The following NOS1AP variants were observed in gnomAD, a reference collection of about 807,000 sequenced individuals.
NOS1AP encodes nitric oxide synthase 1 adaptor protein, also known as carboxyl-terminal PDZ ligand of neuronal nitric oxide synthase protein.
NOS1AP carries 21 observed loss-of-function variants against 56.2 expected under a neutral mutation model. That is an observed-to-expected ratio of 0.37 (90% CI 0.26 to 0.54). The LOEUF (loss-of-function observed/expected upper bound fraction) is 0.54, where lower values mean the gene tolerates loss of function less well. NOS1AP is among the 20% of genes least tolerant of loss of function. The probability of loss-of-function intolerance (pLI) is 0.84; values close to 1 mark genes in which losing one functional copy is unlikely to be tolerated. For missense variants in NOS1AP, 522 were observed against 657.8 expected (o/e 0.79, Z 2.26); for synonymous variants, 270 against 274.6 (o/e 0.98, Z 0.17).
chr1:162,305,095 A>G (rs1272228261), intron 4 of NOS1AP, among the ~76,000 whole-genome samples: 1 of 152,186 alleles, frequency 6.6e-6, no homozygotes, highest in East Asian at 1.9e-4. Flanking sequence ...TTATTCACAT[A>G]GAATAACAGA....
chr1:162,228,319 G>A (rs949050305), intron 2 of NOS1AP, among the ~76,000 whole-genome samples: 1 of 152,202 alleles, frequency 6.6e-6, no homozygotes, highest in Non-Finnish European at 1.5e-5. Context: ...TACTGTGAGT[G>A]TAAATAGAAA....
intron 2 of NOS1AP, among the ~76,000 whole-genome samples, chr1:162,277,639 G>A (rs1210123348): frequency 6.6e-6 from 1 of 152,162 alleles, no homozygotes; most frequent in Non-Finnish European, 1.5e-5. Flanking sequence ...GGAGAGCATA[G>A]GAAAAGCAGT....
In NOS1AP at chr1:162,307,909, A is replaced by G. The variant is rs186125492; in HGVS notation, c.344+7203A>G. On this transcript the variant is annotated intron_variant, in intron 4 of 9. Transcript: ENST00000361897. ...TGAGCAAGTCAAAGTTAAATTATTC[A>G]GGGCTAACTAGAGAAGGGAAGAAGG... Among the ~76,000 whole-genome samples, 415 of 152,256 alleles carry G rather than the reference A, an allele frequency of 2.7e-3. 2 individuals carry two copies. Among genetic ancestry groups the G allele is most frequent in the Non-Finnish European group, 4.6e-3 (316 of 68,014 alleles).
intron 1 of NOS1AP, among the ~76,000 whole-genome samples, chr1:162,081,011 CAGGT>C (rs1479056947): frequency 6.6e-6 from 1 of 152,146 alleles, no homozygotes; most frequent in African/African-American, 2.4e-5. Context: ...GAGTCAAACA[CAGGT>C]AGTGTGGCTC....
intron 1 of NOS1AP, among the ~76,000 whole-genome samples, chr1:162,119,169 C>G (rs752992711): frequency 1.3e-5 from 2 of 152,022 alleles, no homozygotes; most frequent in South Asian, 4.1e-4. Flanking sequence ...TCATAATAAC[C>G]GGAAGAGAGG....
chr1:162,240,525 C>T (rs1557845056), intron 2 of NOS1AP, among the ~76,000 whole-genome samples: 1 of 152,326 alleles, frequency 6.6e-6, no homozygotes, highest in South Asian at 2.1e-4. Context: ...AGGGCTCTTA[C>T]AGCACAGCAT....
intron 2 of NOS1AP, among the ~76,000 whole-genome samples, chr1:162,191,950 T>TAGGG (rs1651661457): frequency 1.3e-5 from 2 of 152,146 alleles, no homozygotes; most frequent in Admixed American, 1.3e-4. Context: ...GCTACTCAGA[T>TAGGG]AGGGAGTGGT....
In NOS1AP at chr1:162,367,590, G is replaced by T; in HGVS notation, c.*123G>T. ...GGAGAATGCCAGCCAGGGCCCGGGA[G>T]AGTGTGAGGTTTCAGGAAAGTATTG... On this transcript the variant is annotated 3_prime_UTR_variant, in exon 10 of 10. Coordinates refer to ENST00000361897, the MANE Select transcript of NOS1AP (RefSeq NM_014697.3). The surrounding 1 kb of genome is among the most constrained non-coding windows in gnomAD (Gnocchi z 6.5). The T allele has an allele frequency of 1.8e-6, 2 of 1,097,932 alleles. No homozygotes were observed. The highest frequency in any genetic ancestry group is 3.2e-5 in the South Asian group (2 of 61,814). The allele number at this position is 1,097,932 out of a possible 1,614,324, so 68.0% of individuals were successfully genotyped here. A position where few individuals can be genotyped will look rare whatever the true frequency, so the allele number is the denominator to read the frequency against.
At chr1:162,306,758 G>A (rs1289475868) in intron 4 of NOS1AP, among the ~76,000 whole-genome samples, 2 of 152,198 alleles carry the variant, frequency 1.3e-5, no homozygotes, top group Admixed American at 6.5e-5. Flanking sequence ...TCAAAGTGGT[G>A]AAACTCCATC....
chr1:162,208,511 A>G (rs907906612), intron 2 of NOS1AP, among the ~76,000 whole-genome samples: 1 of 152,120 alleles, frequency 6.6e-6, no homozygotes, highest in Non-Finnish European at 1.5e-5. Context: ...TCTTAACTTT[A>G]TTACCACCAC....
chr1:162,348,554 C>T (rs567679543), intron 6 of NOS1AP, among the ~76,000 whole-genome samples: 17 of 152,244 alleles, frequency 1.1e-4, no homozygotes, highest in African/African-American at 3.6e-4. Context: ...TTCCGTATAC[C>T]ACTCTTCCTA....
chr1:162,366,581 A>G (rs1658093606), intron 9 of NOS1AP, among the ~76,000 whole-genome samples: 1 of 152,104 alleles, frequency 6.6e-6, no homozygotes, highest in Non-Finnish European at 1.5e-5. Context: ...GGGAGCCTGT[A>G]TTTTTAAAGT....
intron 2 of NOS1AP, among the ~76,000 whole-genome samples, chr1:162,282,238 G>C (rs938964195): frequency 6.6e-6 from 1 of 152,160 alleles, no homozygotes; most frequent in Non-Finnish European, 1.5e-5. Flanking sequence ...CTCTGTACCT[G>C]TTAAACAACT....
intron 2 of NOS1AP, among the ~76,000 whole-genome samples, chr1:162,203,822 A>G (rs1334966642): frequency 6.6e-6 from 1 of 152,200 alleles, no homozygotes; most frequent in African/African-American, 2.4e-5. Context: ...AGGGCCCCAG[A>G]GGATTTGGTC....
intron 5 of NOS1AP, chr1:162,342,457 GA>G (rs35182246): frequency 0.021 from 9,735 of 462,554 alleles, 175 homozygotes; most frequent in African/African-American, 0.045. Flanking sequence ...GGCTTGAGGA[GA>G]AGCAATTCTA....
chr1:162,147,202 G>A (rs908472749), intron 1 of NOS1AP, among the ~76,000 whole-genome samples: 9 of 151,798 alleles, frequency 5.9e-5, no homozygotes, highest in African/African-American at 1.7e-4. Flanking sequence ...GGTGGTGGGC[G>A]CCTGGAGTCC....
At chr1:162,206,244 C>T (rs779994972) in intron 2 of NOS1AP, among the ~76,000 whole-genome samples, 3 of 149,398 alleles carry the variant, frequency 2.0e-5, no homozygotes, top group African/African-American at 7.5e-5. Context: ...CATTTCAAAT[C>T]TATTTCTCTC....
Position 162,300,362 on chromosome 1 carries a change from G to A in NOS1AP, c.271-271G>A, listed in dbSNP as rs16859943. Among the ~76,000 whole-genome samples the A allele has an allele frequency of 7.7e-3, 1,174 of 152,174 alleles. 18 individuals are homozygous for A. Among genetic ancestry groups the A allele is most frequent in the African/African-American group, 0.026 (1,099 of 41,510 alleles). ...TAGCTTGTCTGGAGCTTCACATTAC[G>A]TCCCCACTTCACCCCGAGTTCCCTA... On this transcript the variant is annotated intron_variant, in intron 3 of 9. Coordinates refer to ENST00000361897, the MANE Select transcript of NOS1AP (RefSeq NM_014697.3).
intron 2 of NOS1AP, among the ~76,000 whole-genome samples, chr1:162,168,636 G>C (rs1206550911): frequency 6.6e-6 from 1 of 151,372 alleles, no homozygotes; most frequent in African/African-American, 2.4e-5. Context: ...CTTGTGGGCA[G>C]GGGGGTGTGT....
Sources: gnomAD v4.1 joint callset for allele counts (sites outside exome capture counted in the v4.1 genomes callset) on GRCh38, gnomAD v4.1.1 for gene constraint, Gnocchi (gnomAD v3.1) non-coding constraint, MANE v1.5 for transcripts, NCBI Gene and HGNC (gene_info 2026-07-23, HGNC 2026-07-21) for gene names.